Variants in UNC13C observed in about 807,000 individuals in gnomAD.
UNC13C encodes the protein protein unc-13 homolog C.
In UNC13C, 174 loss-of-function variants were observed where a neutral mutation model predicts 245.4. That is an observed-to-expected ratio of 0.71 (90% confidence interval 0.63 to 0.80). The LOEUF is 0.80. Among genes scored for constraint, UNC13C ranks in the 30% least tolerant of loss-of-function variants. UNC13C has a pLI of 0.00. For synonymous variants in UNC13C, 992 were observed against 895.1 expected (o/e 1.11, Z -1.93); for missense variants, 2,829 against 2,602.9 (o/e 1.09, Z -1.89).
intron 28 of UNC13C, among the ~76,000 whole-genome samples, chr15:54,552,517 TATTATA>T (rs1566904653): frequency 4.5e-5 from 2 of 44,404 alleles, no homozygotes; most frequent in African/African-American, 2.4e-4. Flanking sequence ...ATATATTATA[TATTATA>T]TATAATAATA....
intron 4 of UNC13C, among the ~76,000 whole-genome samples, chr15:54,217,868 C>T (rs777315619): frequency 6.6e-6 from 1 of 151,838 alleles, no homozygotes; most frequent in Admixed American, 6.6e-5. Flanking sequence ...AGGCTTCCAT[C>T]TTGCTCTTTC....
chr15:54,094,554 T>A (rs931798070), intron 2 of UNC13C, among the ~76,000 whole-genome samples: 1 of 152,138 alleles, frequency 6.6e-6, no homozygotes, highest in Admixed American at 6.5e-5. Context: ...CAACTGTTTG[T>A]CTTCTACTGC....
chr15:54,183,947 G>A (rs1274245770), intron 4 of UNC13C, among the ~76,000 whole-genome samples: 1 of 151,358 alleles, frequency 6.6e-6, no homozygotes, highest in Non-Finnish European at 1.5e-5. Flanking sequence ...CGCTTACTTG[G>A]GGAAAGGACA....
chr15:54,295,872 A>C (rs2037416310), intron 11 of UNC13C, among the ~76,000 whole-genome samples: 1 of 152,138 alleles, frequency 6.6e-6, no homozygotes, highest in Non-Finnish European at 1.5e-5. Flanking sequence ...CTCATTGCTG[A>C]TGTTTAACCT....
intron 10 of UNC13C, among the ~76,000 whole-genome samples, chr15:54,270,614 A>T (rs55953107): frequency 0.025 from 3,748 of 152,248 alleles, 83 homozygotes; most frequent in East Asian, 0.073. Flanking sequence ...ATGCCAAAAA[A>T]GTTCCAACTT....
chr15:54,171,173 G>A (rs527777736), intron 4 of UNC13C, among the ~76,000 whole-genome samples: 2 of 152,100 alleles, frequency 1.3e-5, no homozygotes, highest in Admixed American at 6.5e-5. Context: ...CCTAGGTTGC[G>A]AGCACTCACT....
chr15:53,887,945 G>C, the UNC13C span, among the ~76,000 whole-genome samples: 1 of 152,122 alleles, frequency 6.6e-6, no homozygotes, highest in Non-Finnish European at 1.5e-5. Context: ...TCTTTATCCA[G>C]TCTATCATTG....
At chr15:54,379,729 A>C (rs916282737) in intron 17 of UNC13C, among the ~76,000 whole-genome samples, 2 of 152,162 alleles carry the variant, frequency 1.3e-5, no homozygotes. Context: ...TAGAAAAGCA[A>C]TGGTCAATAG....
intron 32 of UNC13C, among the ~76,000 whole-genome samples, chr15:54,625,443 T>C (rs191774656): frequency 6.6e-6 from 1 of 152,204 alleles, no homozygotes; most frequent in Non-Finnish European, 1.5e-5. Context: ...GTTGGGAAGA[T>C]AGCAATTTAC....
At chr15:54,139,369 G>A (rs1595900527) in intron 2 of UNC13C, among the ~76,000 whole-genome samples, 1 of 152,004 alleles carries the variant, frequency 6.6e-6, no homozygotes, top group Admixed American at 6.6e-5. Context: ...TTCTAAACAA[G>A]GCCACATTGT....
chr15:54,438,858 G>A (rs1476249667), intron 19 of UNC13C, among the ~76,000 whole-genome samples: 3 of 151,852 alleles, frequency 2.0e-5, no homozygotes, highest in Non-Finnish European at 2.9e-5. Flanking sequence ...GTAACATTAA[G>A]TTCTTCCCTC....
At chr15:53,894,835 A>G in the UNC13C span, among the ~76,000 whole-genome samples, 1 of 152,200 alleles carries the variant, frequency 6.6e-6, no homozygotes, top group Non-Finnish European at 1.5e-5. Flanking sequence ...ACAAAAGTCA[A>G]GAGATTAGTG....
chr15:54,355,530 G>A (rs548505278), intron 17 of UNC13C, among the ~76,000 whole-genome samples: 2 of 152,008 alleles, frequency 1.3e-5, no homozygotes, highest in East Asian at 1.9e-4. Context: ...CTAATTTTTT[G>A]TATTTTTAGT....
chr15:53,935,647 G>A, the UNC13C span, among the ~76,000 whole-genome samples: 2 of 152,150 alleles, frequency 1.3e-5, no homozygotes, highest in African/African-American at 4.8e-5. Context: ...CTGACTAGGT[G>A]GGCGACTCAA....
chr15:54,631,390 C>T (rs1386841830), downstream of UNC13C: 1 of 152,170 alleles, frequency 6.6e-6, no homozygotes, highest in African/African-American at 2.4e-5. Context: ...AAAATTCTCT[C>T]TTTTGGCATA....
At chr15:54,603,713 A>G (rs1899586066) in intron 30 of UNC13C, among the ~76,000 whole-genome samples, 1 of 152,030 alleles carries the variant, frequency 6.6e-6, no homozygotes, top group African/African-American at 2.4e-5. Context: ...AAAATACAAA[A>G]ATTAGCCAGG....
intron 13 of UNC13C, among the ~76,000 whole-genome samples, chr15:54,302,671 C>A (rs895068181): frequency 6.6e-5 from 10 of 152,042 alleles, no homozygotes; most frequent in African/African-American, 2.4e-4. Flanking sequence ...GGTACCAGTA[C>A]CATGCTGTTT....
intron 26 of UNC13C, among the ~76,000 whole-genome samples, chr15:54,536,653 C>G (rs1895995052): frequency 1.3e-5 from 2 of 152,042 alleles, no homozygotes; most frequent in South Asian, 4.2e-4. Flanking sequence ...AGGATTTATT[C>G]CTAGGATGCA....
chr15:54,330,017 C>A (rs1225998455), intron 14 of UNC13C, among the ~76,000 whole-genome samples: 1 of 151,838 alleles, frequency 6.6e-6, no homozygotes, highest in Admixed American at 6.6e-5. Flanking sequence ...AAAGAGTGGG[C>A]AGATGGGGTA....
Sources: allele counts gnomAD v4.1 joint callset (sites outside exome capture counted in the v4.1 genomes callset), GRCh38; gene constraint gnomAD v4.1.1; transcripts MANE v1.5; gene names NCBI Gene and HGNC (gene_info 2026-07-23, HGNC 2026-07-21).